The following PPIL6 variants were observed in gnomAD, a reference collection of about 807,000 sequenced individuals.
PPIL6 encodes the protein probable inactive peptidyl-prolyl cis-trans isomerase-like 6.
In PPIL6, 39 loss-of-function variants were observed where a neutral mutation model predicts 36.8. The ratio of observed to expected loss-of-function variants is 1.06; its 90% CI spans 0.82 to 1.38. PPIL6 has a LOEUF of 1.38. PPIL6 is among the 40% of genes most tolerant of loss of function. PPIL6 has a pLI of 0.00. For missense variants in PPIL6, 368 were observed against 379.1 expected (o/e 0.97, Z 0.24); for synonymous variants, 123 against 134.1 (o/e 0.92, Z 0.57).
chr6:109,440,364 G>C (rs1345512114), intron 1 of PPIL6, 92 bp downstream of exon 1: 2 of 1,432,918 alleles, frequency 1.4e-6, no homozygotes, highest in African/African-American at 1.5e-5. Context: ...CTCGACCCCC[G>C]CCGCCTCGAG....
At chr6:109,404,394 CGTGTT>C (rs773566846) in intron 6 of PPIL6, among the ~76,000 whole-genome samples, 10 of 152,216 alleles carry the variant, frequency 6.6e-5, no homozygotes, top group African/African-American at 2.4e-4. Flanking sequence ...CCATCTGCAA[CGTGTT>C]GCTGCAGACC....
At chr6:109,408,525 A>T (rs957210908) in intron 6 of PPIL6, among the ~76,000 whole-genome samples, 4 of 152,196 alleles carry the variant, frequency 2.6e-5, no homozygotes, top group Non-Finnish European at 5.9e-5. Context: ...AGGTATACAC[A>T]ATTGTCAAAA....
intron 1 of PPIL6, among the ~76,000 whole-genome samples, chr6:109,439,545 CG>C (rs1429082119): frequency 5.3e-5 from 8 of 152,122 alleles, no homozygotes; most frequent in African/African-American, 1.9e-4. Context: ...TTAGTAGAAA[CG>C]GGGTTTCACC....
At chr6:109,395,886 A>C (rs1297103904) in intron 7 of PPIL6, among the ~76,000 whole-genome samples, 13 of 131,662 alleles carry the variant, frequency 9.9e-5, no homozygotes, top group African/African-American at 3.8e-4. Context: ...CCAAGTCTGT[A>C]GTGCAGTGGT....
At position 109,427,127 on chromosome 6, in the gene PPIL6, A is replaced by T; in HGVS notation, c.450T>A (p.Ile150=). The part of the protein sequence containing the change: ...KHDFVFLDIC[I]DSSPIGRLIF... The stretch of plus-strand genomic sequence containing the variant: ...TCAATCTTCCAATTGGAGAAGAATC[A>T]ATACAAATGTCCAAAAACACGAAAT... The change falls in exon 4 of 8, where the codon ATT becomes ATA. Residue 150 remains isoleucine, a synonymous_variant. Coordinates refer to ENST00000521072, the MANE Select transcript of PPIL6 (RefSeq NM_173672.5). 6.2e-7 allele frequency: 1 copy of T among 1,612,322 alleles called. No homozygotes were observed. The highest frequency in any genetic ancestry group is 8.5e-7 in the Non-Finnish European group (1 of 1,178,714).
chr6:109,405,139 A>C, intron 6 of PPIL6: 1 of 345,722 alleles, frequency 2.9e-6, no homozygotes. Context: ...ACTAATGTAT[A>C]AAGTTATCAT....
intron 6 of PPIL6, among the ~76,000 whole-genome samples, chr6:109,414,558 C>G (rs1452335810): frequency 7.1e-6 from 1 of 140,198 alleles, no homozygotes; most frequent in Non-Finnish European, 1.5e-5. Flanking sequence ...AATCTTGGCT[C>G]ACTGCAGCCT....
intron 7 of PPIL6, among the ~76,000 whole-genome samples, chr6:109,397,828 G>A (rs564352814): frequency 5.1e-4 from 77 of 152,072 alleles, no homozygotes; most frequent in African/African-American, 1.6e-3. Flanking sequence ...ACATGACAGA[G>A]ATTTAAATGG....
intron 6 of PPIL6, among the ~76,000 whole-genome samples, chr6:109,415,617 T>C (rs945141877): frequency 2.6e-5 from 4 of 152,206 alleles, no homozygotes; most frequent in African/African-American, 9.6e-5. Context: ...CTGGGCACAA[T>C]TTTCTCCAGC....
chr6:109,426,120 T>C (rs530808088), intron 5 of PPIL6, among the ~76,000 whole-genome samples: 3 of 152,218 alleles, frequency 2.0e-5, no homozygotes, highest in Non-Finnish European at 2.9e-5. Context: ...TGCTTTAACA[T>C]GTAGGATGCT....
chr6:109,425,714 C>A (rs1367262232), intron 5 of PPIL6, among the ~76,000 whole-genome samples: 12 of 141,474 alleles, frequency 8.5e-5, no homozygotes, highest in Non-Finnish European at 1.5e-5. Context: ...CGTGCCACTG[C>A]ACTACAGCCT....
intron 3 of PPIL6, among the ~76,000 whole-genome samples, chr6:109,428,589 G>T (rs1773953728): frequency 6.6e-6 from 1 of 150,452 alleles, no homozygotes; most frequent in South Asian, 2.1e-4. Flanking sequence ...ATTGAGCAAG[G>T]TGCATAACTT....
At position 109,418,441 on chromosome 6, in the gene PPIL6, T is replaced by C. The variant is rs575097721; in HGVS notation, c.688+746A>G. 2.0e-5 allele frequency among the ~76,000 whole-genome samples: 3 copies of C among 152,316 alleles called. No individual in the cohort carries two copies. The South Asian group carries it at 6.2e-4, about 32-fold the overall frequency. On this transcript the variant is annotated intron_variant, in intron 6 of 7. Coordinates refer to ENST00000521072, the MANE Select transcript of PPIL6 (RefSeq NM_173672.5). ...TGCAGATTTCATGGCTGTTGGTTTG[T>C]TGTTTGTCCTTAACTGTTTGTATTG...
intron 6 of PPIL6, among the ~76,000 whole-genome samples, chr6:109,410,098 C>G (rs1453832956): frequency 6.6e-6 from 1 of 152,198 alleles, no homozygotes; most frequent in African/African-American, 2.4e-5. Flanking sequence ...ACTGAGGCAG[C>G]CTCGCTGAGC....
intron 6 of PPIL6, chr6:109,403,176 G>T: frequency 8.4e-7 from 1 of 1,188,704 alleles, no homozygotes; most frequent in Non-Finnish European, 1.2e-6. Flanking sequence ...CATCTTGCTA[G>T]TTGTTCAGAC....
At chr6:109,401,026 A>ATTTTTTTTTTTTTTT (rs749611966) in intron 6 of PPIL6, among the ~76,000 whole-genome samples, 14 of 114,952 alleles carry the variant, frequency 1.2e-4, no homozygotes, top group African/African-American at 4.1e-4. Context: ...TGCCCGGCTA[A>ATTTTTTTTTTTTTTT]TTTTTTTTTT....
At chr6:109,421,298 A>G (rs904156365) in intron 5 of PPIL6, among the ~76,000 whole-genome samples, 2 of 152,222 alleles carry the variant, frequency 1.3e-5, no homozygotes, top group African/African-American at 4.8e-5. Context: ...TTATTGCTAT[A>G]CTTCTGACAA....
At chr6:109,405,987 A>G (rs532084127) in intron 6 of PPIL6, among the ~76,000 whole-genome samples, 1 of 152,244 alleles carries the variant, frequency 6.6e-6, no homozygotes, top group South Asian at 2.1e-4. Flanking sequence ...CATTTTCACA[A>G]TAAACTCAGT....
At chr6:109,407,479 T>C (rs995096175) in intron 6 of PPIL6, among the ~76,000 whole-genome samples, 4 of 152,276 alleles carry the variant, frequency 2.6e-5, no homozygotes, top group African/African-American at 9.6e-5. Context: ...GACCTCGTGA[T>C]CTGCCCGCCT....
Sources: allele counts gnomAD v4.1 joint callset (sites outside exome capture counted in the v4.1 genomes callset), GRCh38; gene constraint gnomAD v4.1.1; transcripts MANE v1.5; gene names NCBI Gene and HGNC (gene_info 2026-07-23, HGNC 2026-07-21).